NKAIN2: variants seen among roughly 807,000 people sequenced by gnomAD.
NKAIN2 encodes sodium/potassium-transporting ATPase subunit beta-1-interacting protein 2.
NKAIN2 carries 14 observed loss-of-function variants against 32.6 expected under a neutral mutation model. That is an observed-to-expected ratio of 0.43 (90% CI 0.28 to 0.67). NKAIN2 has a LOEUF of 0.67. Among genes scored for constraint, NKAIN2 ranks in the 30% least tolerant of loss-of-function variants. The probability of loss-of-function intolerance (pLI) is 0.17; values close to 1 mark genes in which losing one functional copy is unlikely to be tolerated. For synonymous variants in NKAIN2, 80 were observed against 87.2 expected (o/e 0.92, Z 0.46); for missense variants, 198 against 258.3 (o/e 0.77, Z 1.60).
chr6:124,808,056 C>T (rs1388094170), intron 5 of NKAIN2, among the ~76,000 whole-genome samples: 8 of 151,024 alleles, frequency 5.3e-5, no homozygotes, highest in African/African-American at 1.9e-4. Context: ...ACCAGAGGTA[C>T]AAGGAGGAAC....
chr6:123,848,400 C>G (rs1366205308), intron 1 of NKAIN2, among the ~76,000 whole-genome samples: 1 of 152,102 alleles, frequency 6.6e-6, no homozygotes, highest in African/African-American at 2.4e-5. Context: ...GTGGGAGGGA[C>G]CCGGTAGGAG....
At chr6:124,544,101 G>A (rs1780005163) in intron 3 of NKAIN2, among the ~76,000 whole-genome samples, 1 of 152,074 alleles carries the variant, frequency 6.6e-6, no homozygotes, top group Non-Finnish European at 1.5e-5. Context: ...ACTACATGTA[G>A]GCCATTAGGT....
chr6:124,392,524 G>A (rs1773186311), intron 3 of NKAIN2, among the ~76,000 whole-genome samples: 1 of 151,928 alleles, frequency 6.6e-6, no homozygotes, highest in South Asian at 2.1e-4. Context: ...ATAGTGAGAA[G>A]TGTGTGTGTG....
intron 1 of NKAIN2, among the ~76,000 whole-genome samples, chr6:124,239,471 C>G (rs147760417): frequency 6.6e-6 from 1 of 152,220 alleles, no homozygotes; most frequent in East Asian, 1.9e-4. Flanking sequence ...CACACTTATT[C>G]TAAAATTGGC....
At chr6:124,541,432 T>C (rs139331541) in intron 3 of NKAIN2, among the ~76,000 whole-genome samples, 1,638 of 152,258 alleles carry the variant, frequency 0.011, 12 homozygotes, top group Non-Finnish European at 0.016. Context: ...ATATAGAGGG[T>C]TAGTCCATTG....
intron 3 of NKAIN2, among the ~76,000 whole-genome samples, chr6:124,472,999 C>T (rs1018995767): frequency 1.3e-5 from 2 of 152,202 alleles, no homozygotes; most frequent in African/African-American, 4.8e-5. Context: ...TAGCAGGACT[C>T]ACCAGTGATT....
At chr6:124,550,137 G>T (rs866708331) in intron 3 of NKAIN2, among the ~76,000 whole-genome samples, 4 of 152,126 alleles carry the variant, frequency 2.6e-5, no homozygotes, top group Admixed American at 2.6e-4. Context: ...GTAAAGAAGA[G>T]ATATCATTTC....
rs545327333 is a variant in NKAIN2 at position 124,100,578 on chromosome 6, C to G, written c.55-182427C>G. Among the ~76,000 whole-genome samples, 15 of 152,246 alleles carry G rather than the reference C, an allele frequency of 9.9e-5. 1 individual carries two copies. The South Asian group carries it at 1.9e-3, about 19-fold the overall frequency. On this transcript the variant is annotated intron_variant, in intron 1 of 6. Coordinates refer to ENST00000368417, the MANE Select transcript of NKAIN2 (RefSeq NM_001040214.3). ...AAAGGACACAACTCTTTTTGAGATG[C>G]GATTGTATCAATATTAATGTAAGAG...
intron 1 of NKAIN2, among the ~76,000 whole-genome samples, chr6:124,000,079 C>G (rs73557089): frequency 0.018 from 2,684 of 152,068 alleles, 90 homozygotes; most frequent in African/African-American, 0.062. Context: ...ACCTGGTTAT[C>G]AAACAAAACA....
At chr6:124,462,785 T>A (rs1776584662) in intron 3 of NKAIN2, among the ~76,000 whole-genome samples, 2 of 152,094 alleles carry the variant, frequency 1.3e-5, no homozygotes, top group Admixed American at 1.3e-4. Flanking sequence ...TCGATGTATA[T>A]CTCTATTGAG....
intron 1 of NKAIN2, among the ~76,000 whole-genome samples, chr6:124,102,008 CCAACACT>C (rs1198559202): frequency 4.6e-5 from 7 of 152,174 alleles, no homozygotes; most frequent in Admixed American, 4.6e-4. Context: ...AAATGATGGC[CCAACACT>C]CACGCAGGTG....
rs547952378 is a variant in NKAIN2 at position 124,304,267 on chromosome 6, C to T, written c.192+21125C>T. ...AGTGAGCTTTATTCATTGACTGAAA[C>T]TTCTTACTGAGCCTAAATTTTATCT... On this transcript the variant is annotated intron_variant, in intron 2 of 6. Coordinates refer to ENST00000368417, the MANE Select transcript of NKAIN2 (RefSeq NM_001040214.3). Among the ~76,000 whole-genome samples the T allele has an allele frequency of 4.6e-5, 7 of 152,266 alleles. No homozygotes were observed. In the South Asian group the frequency reaches 1.4e-3, roughly 32 times the overall value.
chr6:124,491,087 A>G (rs952533680), intron 3 of NKAIN2, among the ~76,000 whole-genome samples: 3 of 152,022 alleles, frequency 2.0e-5, no homozygotes, highest in African/African-American at 7.2e-5. Flanking sequence ...TTTAGAGAAA[A>G]TAGATATCAT....
At chr6:124,680,536 A>G (rs776626858) in intron 4 of NKAIN2, among the ~76,000 whole-genome samples, 1 of 152,118 alleles carries the variant, frequency 6.6e-6, no homozygotes, top group Non-Finnish European at 1.5e-5. Flanking sequence ...TACATACAGG[A>G]ACCAAAGTCT....
At position 124,563,184 on chromosome 6, in the gene NKAIN2, G is replaced by T. The variant is rs545029292; in HGVS notation, c.274-95002G>T. Among the ~76,000 whole-genome samples the T allele has an allele frequency of 3.9e-5, 6 of 152,114 alleles. No individual in the cohort carries two copies. In the East Asian group the frequency reaches 1.2e-3, roughly 29 times the overall value. On this transcript the variant is annotated intron_variant, in intron 3 of 6. Transcript: ENST00000368417. ...CTCCCAATGTGCTGGGATTACAGGC[G>T]TGAGCCACTGCGCCCGGCCAAAAAT...
At chr6:124,751,975 C>A (rs1325038491) in intron 4 of NKAIN2, among the ~76,000 whole-genome samples, 7 of 151,986 alleles carry the variant, frequency 4.6e-5, no homozygotes, top group Non-Finnish European at 1.0e-4. Flanking sequence ...GAGCAAGACT[C>A]TGTCTCAAGC....
chr6:124,739,060 T>C (rs1004370152), intron 4 of NKAIN2, among the ~76,000 whole-genome samples: 3 of 148,012 alleles, frequency 2.0e-5, no homozygotes, highest in Non-Finnish European at 4.5e-5. Flanking sequence ...CATAATGCAC[T>C]TTTGAAAATA....
intron 1 of NKAIN2, among the ~76,000 whole-genome samples, chr6:124,250,194 T>C (rs1793630800): frequency 6.6e-6 from 1 of 152,104 alleles, no homozygotes; most frequent in African/African-American, 2.4e-5. Context: ...CACCAAACAT[T>C]AGATCTGCTG....
rs114963822 is a variant in NKAIN2, at chr6:124,490,494, G to T, written c.273+135147G>T. ...ACATTAATAGCTAATGGCTTAAAAT[G>T]TGAAAAATGCATTTAAATACAAATA... On this transcript the variant is annotated intron_variant, in intron 3 of 6. Coordinates refer to ENST00000368417, the MANE Select transcript of NKAIN2 (RefSeq NM_001040214.3). 8.4e-3 allele frequency: 2,848 copies of T among 338,068 alleles called. 79 individuals carry two copies. Among genetic ancestry groups the T allele is most frequent in the African/African-American group, 0.062 (2,652 of 42,598 alleles). The allele number at this position is 338,068 out of a possible 1,614,324, so 20.9% of individuals were successfully genotyped here.
Sources: allele counts gnomAD v4.1 joint callset (sites outside exome capture counted in the v4.1 genomes callset), GRCh38; gene constraint gnomAD v4.1.1; transcripts MANE v1.5; gene names NCBI Gene and HGNC (gene_info 2026-07-23, HGNC 2026-07-21).